MYRFL: variants seen among roughly 807,000 people sequenced by gnomAD.
MYRFL encodes myelin regulatory factor like, also known as myelin regulatory factor-like protein.
In MYRFL, 88 loss-of-function variants were observed where a neutral mutation model predicts 109.4. That is an observed-to-expected ratio of 0.80 (90% CI 0.68 to 0.96). The LOEUF is 0.96. MYRFL is among the 40% of genes least tolerant of loss of function. The pLI, the probability that MYRFL is intolerant of heterozygous loss-of-function variation, is 0.00. For synonymous variants in MYRFL, 324 were observed against 320.9 expected, an observed-to-expected ratio of 1.01 and a Z score of -0.10; for missense variants, 957 against 954.9, an observed-to-expected ratio of 1.00 and a Z score of -0.03.
intron 1 of MYRFL, among the ~76,000 whole-genome samples, chr12:69,847,359 A>ACATT (rs573828576): frequency 1.6e-3 from 244 of 152,348 alleles, no homozygotes; most frequent in Middle Eastern, 3.4e-3. Flanking sequence ...GCTAGTGAAG[A>ACATT]CATTCATTCA....
At chr12:69,951,292 G>C (rs1392010500) in intron 19 of MYRFL, among the ~76,000 whole-genome samples, 1 of 152,114 alleles carries the variant, frequency 6.6e-6, no homozygotes, top group Non-Finnish European at 1.5e-5. Context: ...CAAGACCAAG[G>C]TGTCAGCAGG....
At chr12:69,922,473 A>G (rs1334179694) in intron 13 of MYRFL, among the ~76,000 whole-genome samples, 1 of 152,150 alleles carries the variant, frequency 6.6e-6, no homozygotes, top group Non-Finnish European at 1.5e-5. Context: ...CAAATGTATA[A>G]AAAACTAGAG....
At chr12:69,900,823 T>A (rs1231560815) in intron 10 of MYRFL, among the ~76,000 whole-genome samples, 1 of 152,194 alleles carries the variant, frequency 6.6e-6, no homozygotes, top group East Asian at 1.9e-4. Context: ...CCATTTACAT[T>A]GTATTTTTTA....
intron 10 of MYRFL, among the ~76,000 whole-genome samples, chr12:69,897,457 G>A (rs187680244): frequency 5.2e-4 from 79 of 152,260 alleles, no homozygotes; most frequent in African/African-American, 1.7e-3. Context: ...GACATTTTTG[G>A]TTGTCACAGC....
chr12:69,938,941 T>C (rs1955552458), intron 19 of MYRFL, among the ~76,000 whole-genome samples: 1 of 152,156 alleles, frequency 6.6e-6, no homozygotes, highest in Admixed American at 6.5e-5. Flanking sequence ...GGATGGCACC[T>C]GGAAAATCGG....
At chr12:69,832,112 A>G (rs1356507077) in intron 1 of MYRFL, among the ~76,000 whole-genome samples, 2 of 152,168 alleles carry the variant, frequency 1.3e-5, no homozygotes, top group East Asian at 1.9e-4. Flanking sequence ...TAAAAGTTGT[A>G]GCAGGTTGTT....
chr12:69,914,828 G>A (rs1954682720), intron 13 of MYRFL, among the ~76,000 whole-genome samples: 1 of 152,164 alleles, frequency 6.6e-6, no homozygotes, highest in Admixed American at 6.6e-5. Context: ...AAACTCACAG[G>A]AGTCCAGGAG....
intron 5 of MYRFL, among the ~76,000 whole-genome samples, chr12:69,885,108 T>C (rs1240292): frequency 0.75 from 113,718 of 151,382 alleles, 42,806 homozygotes; most frequent in Middle Eastern, 0.8. Flanking sequence ...GGTTTCTTTC[T>C]TTTTTTTAAA....
intron 6 of MYRFL, among the ~76,000 whole-genome samples, chr12:69,889,120 A>G (rs1886635878): frequency 6.6e-6 from 1 of 152,066 alleles, no homozygotes; most frequent in Admixed American, 6.5e-5. Context: ...ATTCATTATA[A>G]TAGCAGCCAT....
At position 69,882,197 on chromosome 12, in the gene MYRFL, CCCTTG is replaced by C. The variant is rs1377721120; in HGVS notation, c.556+1906_556+1910del. Among the ~76,000 whole-genome samples the C allele has an allele frequency of 5.9e-5, 9 of 152,144 alleles. No individual in the cohort carries two copies. In the East Asian group the frequency reaches 1.7e-3, roughly 29 times the overall value. On this transcript the variant is annotated intron_variant, in intron 5 of 24. Transcript: ENST00000552032. ...TTCCAGCAGATAGGAAATCCTATAT[CCCTTG>C]TTTAAGTCCTATTCACAGGTCACTG...
intron 1 of MYRFL, among the ~76,000 whole-genome samples, chr12:69,848,827 A>G (rs971520280): frequency 4.9e-4 from 75 of 152,152 alleles, no homozygotes; most frequent in Admixed American, 1.4e-3. Flanking sequence ...CAGTAGTTCT[A>G]ATTTTCTAAA....
At chr12:69,840,258 A>G (rs1421526408) in intron 1 of MYRFL, among the ~76,000 whole-genome samples, 1 of 152,180 alleles carries the variant, frequency 6.6e-6, no homozygotes, top group Non-Finnish European at 1.5e-5. Flanking sequence ...ATTTTTCCGA[A>G]TTACAAATAA....
At chr12:69,957,017 G>A (rs546501082) in intron 22 of MYRFL, among the ~76,000 whole-genome samples, 6 of 151,116 alleles carry the variant, frequency 4.0e-5, no homozygotes, top group Admixed American at 2.0e-4. Context: ...ACCATTTTTC[G>A]TAAAATGGAT....
At chr12:69,913,743 T>C (rs1376778641) in intron 13 of MYRFL, among the ~76,000 whole-genome samples, 1 of 152,208 alleles carries the variant, frequency 6.6e-6, no homozygotes, top group Non-Finnish European at 1.5e-5. Context: ...TCATACGGCT[T>C]TGTTCTTGTT....
In MYRFL at chr12:69,893,836, G is replaced by A; in HGVS notation, c.976G>A (p.Val326Ile). ...ADRSKKIFNP[V>I]KIDLLADQVT... The stretch of plus-strand genomic sequence containing the variant: ...TAGGAGCAAAAAGATTTTCAATCCT[G>A]TTAAGTAAGAATTTATTTTCTGAAT... The change falls in exon 8 of 25, where the codon GTT (valine) becomes ATT (isoleucine). Residue 326 changes from valine (V) to isoleucine (I), a missense_variant. Physicochemically the swap from Val to Ile is conservative, Grantham distance 29. Coordinates refer to ENST00000552032, the MANE Select transcript of MYRFL (RefSeq NM_182530.3). 1 of 1,351,294 alleles carries A rather than the reference G, an allele frequency of 7.4e-7. No homozygotes were observed. The allele number at this position is 1,351,294 out of a possible 1,614,324, so 83.7% of individuals were successfully genotyped here. A position where few individuals can be genotyped will look rare whatever the true frequency, so the allele number is the denominator to read the frequency against.
intron 2 of MYRFL, among the ~76,000 whole-genome samples, chr12:69,856,452 G>A (rs1407788090): frequency 5.3e-5 from 8 of 152,072 alleles, no homozygotes; most frequent in Non-Finnish European, 1.0e-4. Context: ...TGTTGTAAAT[G>A]TAAGTTTAAC....
intron 11 of MYRFL, among the ~76,000 whole-genome samples, chr12:69,905,011 C>T (rs1321749712): frequency 6.6e-6 from 1 of 152,140 alleles, no homozygotes; most frequent in African/African-American, 2.4e-5. Flanking sequence ...TGTGAAGCTG[C>T]GGTTCATATT....
intron 1 of MYRFL, among the ~76,000 whole-genome samples, chr12:69,850,871 T>G (rs1256488257): frequency 6.6e-6 from 1 of 152,158 alleles, no homozygotes; most frequent in Non-Finnish European, 1.5e-5. Flanking sequence ...GTTAAGGAGC[T>G]ACTTTCAAGA....
chr12:69,894,792 T>C (rs913348141), intron 8 of MYRFL, among the ~76,000 whole-genome samples: 3 of 152,154 alleles, frequency 2.0e-5, no homozygotes, highest in African/African-American at 7.2e-5. Flanking sequence ...CCTGAATCAA[T>C]CCCCTTTGGG....
Sources: allele counts gnomAD v4.1 joint callset (sites outside exome capture counted in the v4.1 genomes callset), GRCh38; gene constraint gnomAD v4.1.1; transcripts MANE v1.5; gene names NCBI Gene and HGNC (gene_info 2026-07-23, HGNC 2026-07-21).